The following DACH1 variants were observed in gnomAD, a reference collection of about 807,000 sequenced individuals.
DACH1 encodes the protein dachshund homolog 1.
In DACH1, 12 loss-of-function variants were observed where a neutral mutation model predicts 54.2. The ratio of observed to expected loss-of-function variants is 0.22; its 90% CI spans 0.14 to 0.36. DACH1 has a LOEUF of 0.36. DACH1 is among the 10% of genes least tolerant of loss of function. The pLI, the probability that DACH1 is intolerant of heterozygous loss-of-function variation, is 1.00. For synonymous variants in DACH1, 386 were observed against 366.2 expected, an observed-to-expected ratio of 1.05 and a Z score of -0.62; for missense variants, 805 against 929.8, an observed-to-expected ratio of 0.87 and a Z score of 1.75.
chr13:71,440,411 C>G lies in DACH1; in HGVS notation c.*244G>C. On this transcript the variant is annotated 3_prime_UTR_variant, in exon 11 of 11. Transcript: ENST00000613252. ...TCCAGCAGCAAGTTGCAGTAATTAA[C>G]TGTAAGAACTTTGATACTTGTACAT... 2.4e-6 allele frequency: 1 copy of G among 422,408 alleles called. No individual in the cohort carries two copies. The allele number at this position is 422,408 out of a possible 1,614,324, so 26.2% of individuals were successfully genotyped here.
chr13:71,465,481 T>C (rs1218439164), intron 10 of DACH1, among the ~76,000 whole-genome samples: 1 of 152,074 alleles, frequency 6.6e-6, no homozygotes, highest in Non-Finnish European at 1.5e-5. Context: ...GGGGGATGAA[T>C]ACAAAAAGAG....
intron 1 of DACH1, among the ~76,000 whole-genome samples, chr13:71,763,477 T>C: frequency 6.6e-6 from 1 of 152,202 alleles, no homozygotes; most frequent in Non-Finnish European, 1.5e-5. Context: ...AGACTGTGTT[T>C]CAGCCTGTTT....
At chr13:71,766,616 T>C (rs965469661) in intron 1 of DACH1, among the ~76,000 whole-genome samples, 2 of 152,198 alleles carry the variant, frequency 1.3e-5, no homozygotes, top group Non-Finnish European at 2.9e-5. Context: ...TGGCAGTCAG[T>C]AGACTGCCAA....
intron 6 of DACH1, among the ~76,000 whole-genome samples, chr13:71,514,152 C>T (rs775162572): frequency 8.6e-5 from 13 of 151,970 alleles, no homozygotes; most frequent in Admixed American, 3.3e-4. Flanking sequence ...ACTTGATATA[C>T]ATTGACAGAA....
chr13:71,766,838 C>CT (rs1485298614), intron 1 of DACH1, among the ~76,000 whole-genome samples: 2 of 136,042 alleles, frequency 1.5e-5, no homozygotes, highest in African/African-American at 5.2e-5. Context: ...TGAGAAAAGG[C>CT]TTAAAAAAAA....
chr13:71,451,476 A>T (rs1875052060), intron 10 of DACH1, among the ~76,000 whole-genome samples: 1 of 150,410 alleles, frequency 6.6e-6, no homozygotes, highest in Admixed American at 6.6e-5. Flanking sequence ...CCACAAAATG[A>T]GGAGAAGATG....
chr13:71,595,753 T>C (rs1222895668), intron 3 of DACH1, among the ~76,000 whole-genome samples: 1 of 152,090 alleles, frequency 6.6e-6, no homozygotes, highest in Non-Finnish European at 1.5e-5. Context: ...TGCAAACATC[T>C]CCTTGTATCC....
At chr13:71,749,292 A>G (rs1452831068) in intron 1 of DACH1, among the ~76,000 whole-genome samples, 1 of 151,796 alleles carries the variant, frequency 6.6e-6, no homozygotes, top group Admixed American at 6.6e-5. Context: ...CCTATTTTCT[A>G]TATTTTTCTG....
At chr13:71,747,239 T>C (rs1884637113) in intron 1 of DACH1, among the ~76,000 whole-genome samples, 2 of 151,730 alleles carry the variant, frequency 1.3e-5, no homozygotes, top group Admixed American at 1.3e-4. Context: ...TGTAATGTAA[T>C]GTAGTCCACA....
chr13:71,473,650 C>T (rs191453304), intron 10 of DACH1, among the ~76,000 whole-genome samples: 5 of 152,194 alleles, frequency 3.3e-5, no homozygotes, highest in East Asian at 1.9e-4. Flanking sequence ...ATATTAACAA[C>T]GAATCTCTCA....
chr13:71,830,045 T>C (rs1362980099), intron 1 of DACH1, among the ~76,000 whole-genome samples: 2 of 151,896 alleles, frequency 1.3e-5, no homozygotes, highest in African/African-American at 4.8e-5. Flanking sequence ...TGATATGTTT[T>C]CTACTTATAG....
At chr13:71,759,931 T>C (rs981856745) in intron 1 of DACH1, among the ~76,000 whole-genome samples, 2 of 152,188 alleles carry the variant, frequency 1.3e-5, no homozygotes, top group African/African-American at 4.8e-5. Flanking sequence ...GTCCTCACAA[T>C]GTAAGCCTTT....
At chr13:71,456,413 A>G (rs1875568160) in intron 10 of DACH1, among the ~76,000 whole-genome samples, 1 of 151,998 alleles carries the variant, frequency 6.6e-6, no homozygotes, top group Non-Finnish European at 1.5e-5. Context: ...TTTTCCCATC[A>G]CTAGTGATTG....
At chr13:71,763,558 T>C (rs907992987) in intron 1 of DACH1, among the ~76,000 whole-genome samples, 1 of 151,900 alleles carries the variant, frequency 6.6e-6, no homozygotes, top group South Asian at 2.1e-4. Context: ...AGATGGTATC[T>C]TGCTGTATTG....
chr13:71,565,453 T>G (rs1212630273), intron 4 of DACH1, among the ~76,000 whole-genome samples: 1 of 152,134 alleles, frequency 6.6e-6, no homozygotes, highest in African/African-American at 2.4e-5. Flanking sequence ...GTTAGTGAAA[T>G]GCAACATCAT....
At chr13:71,588,972 A>G (rs1873490759) in intron 3 of DACH1, among the ~76,000 whole-genome samples, 1 of 152,040 alleles carries the variant, frequency 6.6e-6, no homozygotes, top group Non-Finnish European at 1.5e-5. Context: ...ATCAAGACAT[A>G]AAAGACATAT....
In DACH1 at chr13:71,571,856, C is replaced by T. The variant is rs532454637; in HGVS notation, c.1299+984G>A. Among the ~76,000 whole-genome samples the T allele has an allele frequency of 5.9e-5, 9 of 151,936 alleles. No homozygotes were observed. In the East Asian group the frequency reaches 1.2e-3, roughly 20 times the overall value. On this transcript the variant is annotated intron_variant, in intron 4 of 10. Transcript: ENST00000613252. ...GTTCACGCCATTCTCCTGCCTCAGG[C>T]TTCCGAGTAGCTGGGACTACAGGCG...
chr13:71,691,943 G>A (rs1331923543), intron 1 of DACH1, among the ~76,000 whole-genome samples: 1 of 151,746 alleles, frequency 6.6e-6, no homozygotes, highest in African/African-American at 2.4e-5. Flanking sequence ...GCAAGCAGGA[G>A]TTTGTCAACT....
chr13:71,827,631 C>T (rs1888430402), intron 1 of DACH1, among the ~76,000 whole-genome samples: 1 of 151,992 alleles, frequency 6.6e-6, no homozygotes, highest in Admixed American at 6.6e-5. Flanking sequence ...TAGAACGCTC[C>T]TTATTAAGTT....
Sources: gnomAD v4.1 joint callset for allele counts (sites outside exome capture counted in the v4.1 genomes callset) on GRCh38, gnomAD v4.1.1 for gene constraint, MANE v1.5 for transcripts, NCBI Gene and HGNC (gene_info 2026-07-23, HGNC 2026-07-21) for gene names.